BAIAP2L1: variants seen among roughly 807,000 people sequenced by gnomAD.
The protein encoded by BAIAP2L1 is BAR/IMD domain containing adaptor protein 2 like 1.
BAIAP2L1 carries 35 observed loss-of-function variants against 66.3 expected under a neutral mutation model. The ratio of observed to expected loss-of-function variants is 0.53; its 90% confidence interval spans 0.40 to 0.70. BAIAP2L1 has a LOEUF of 0.70. Among genes scored for constraint, BAIAP2L1 ranks in the 30% least tolerant of loss-of-function variants. The pLI is 0.00. For synonymous variants in BAIAP2L1, 269 were observed against 248.7 expected (o/e 1.08, Z -0.77); for missense variants, 622 against 656.9 (o/e 0.95, Z 0.58).
Position 98,317,264 on chromosome 7 carries a change from G to C in BAIAP2L1, c.441C>G (p.Ser147Arg). 4 of 1,614,184 alleles carry C rather than the reference G, an allele frequency of 2.5e-6. No individual in the cohort carries two copies. The highest frequency in any genetic ancestry group is 3.4e-6 in the Non-Finnish European group (4 of 1,180,040). The change falls in exon 6 of 14, where the codon AGC (serine) becomes AGG (arginine). Residue 147 changes from serine to arginine, a missense_variant. Ser to Arg is a moderately radical substitution (Grantham distance 110). Transcript: ENST00000005260. ...ATTTGAGTGCGTTTCGGCTTCCTTG[G>C]CTTTTCCTTCTGATCTTCTTCAACT... Reference protein sequence around the residue: ...QAELKKIRRKSQGSRNALKYE... With the variant: ...QAELKKIRRKRQGSRNALKYE...
At chr7:98,344,013 T>C (rs1045419319) in intron 3 of BAIAP2L1, among the ~76,000 whole-genome samples, 1 of 152,158 alleles carries the variant, frequency 6.6e-6, no homozygotes, top group Admixed American at 6.5e-5. Context: ...ACCCCATCTC[T>C]ACTAAAAATA....
intron 1 of BAIAP2L1, among the ~76,000 whole-genome samples, chr7:98,375,386 T>C: frequency 7.2e-6 from 1 of 139,652 alleles, no homozygotes. Flanking sequence ...AGTACAACAC[T>C]CCATCTTAAA....
chr7:98,380,735 C>T (rs1309366754), intron 1 of BAIAP2L1, among the ~76,000 whole-genome samples: 12 of 109,414 alleles, frequency 1.1e-4, no homozygotes, highest in African/African-American at 3.3e-4. Flanking sequence ...ATATCCGGTC[C>T]GTTTTTTTTT....
chr7:98,380,787 T>C (rs1368068488), intron 1 of BAIAP2L1, among the ~76,000 whole-genome samples: 3 of 138,868 alleles, frequency 2.2e-5, no homozygotes, highest in Admixed American at 1.5e-4. Flanking sequence ...CCACCGCCAC[T>C]ACCACCACCA....
rs971713858 is a variant in BAIAP2L1, at chr7:98,335,289, C to T, written c.215-14991G>A. Among the ~76,000 whole-genome samples the T allele has an allele frequency of 8.0e-4, 117 of 146,208 alleles. 1 individual carries two copies. Among genetic ancestry groups the T allele is most frequent in the South Asian group, 2.1e-4 (1 of 4,724 alleles). On this transcript the variant is annotated intron_variant, in intron 3 of 13. Coordinates refer to ENST00000005260, the MANE Select transcript of BAIAP2L1 (RefSeq NM_018842.5). ...AAAAGATCACCCTTTCCACTTCCAA[C>T]GCTGACCATGGGGATATTACATATC...
At chr7:98,350,542 G>A (rs946871876) in intron 3 of BAIAP2L1, among the ~76,000 whole-genome samples, 8 of 152,032 alleles carry the variant, frequency 5.3e-5, no homozygotes, top group Admixed American at 3.3e-4. Context: ...ACCTGTAGTC[G>A]CAGCTACTCA....
chr7:98,312,040 C>T (rs986430556), intron 8 of BAIAP2L1, 57 bp downstream of exon 8: 1 of 1,516,440 alleles, frequency 6.6e-7, no homozygotes, highest in African/African-American at 1.4e-5. Context: ...GCAAATTTGG[C>T]CCAGATCAAG....
Position 98,293,454 on chromosome 7 carries a change from G to C in BAIAP2L1, c.*67C>G. The C allele has an allele frequency of 1.4e-6, 2 of 1,452,510 alleles. No homozygotes were observed. The highest frequency in any genetic ancestry group is 2.3e-5 in the South Asian group (2 of 88,050). The allele number at this position is 1,452,510 out of a possible 1,614,324, so 90.0% of individuals were successfully genotyped here. On this transcript the variant is annotated 3_prime_UTR_variant, in exon 14 of 14. Coordinates refer to ENST00000005260, the MANE Select transcript of BAIAP2L1 (RefSeq NM_018842.5). ...GCTTCCCGACCGTCAGCACGTGGCAGACAGGATGCGCCCATCATTCCGCAA... is the reference window on the plus strand; with the variant it reads ...GCTTCCCGACCGTCAGCACGTGGCACACAGGATGCGCCCATCATTCCGCAA...
chr7:98,320,715 A>G (rs1210929655), intron 3 of BAIAP2L1, among the ~76,000 whole-genome samples: 1 of 152,196 alleles, frequency 6.6e-6, no homozygotes, highest in African/African-American at 2.4e-5. Context: ...AGGGTCTCTA[A>G]GCATCATCCC....
intron 1 of BAIAP2L1, among the ~76,000 whole-genome samples, chr7:98,380,373 A>G (rs1424661627): frequency 6.6e-6 from 1 of 152,112 alleles, no homozygotes; most frequent in African/African-American, 2.4e-5. Context: ...ACGGTTCCAC[A>G]TGGCTGGTCT....
At chr7:98,393,685 G>A (rs1325094761) in intron 1 of BAIAP2L1, among the ~76,000 whole-genome samples, 1 of 149,456 alleles carries the variant, frequency 6.7e-6, no homozygotes, top group East Asian at 2.1e-4. Flanking sequence ...TTTTAGTAGA[G>A]ACGGGGTTTC....
At chr7:98,397,059 TGGGAA>T (rs1371869675) in intron 1 of BAIAP2L1, among the ~76,000 whole-genome samples, 1 of 151,898 alleles carries the variant, frequency 6.6e-6, no homozygotes, top group Non-Finnish European at 1.5e-5. Flanking sequence ...CTAGTTGGGG[TGGGAA>T]GAGAGGGAAA....
chr7:98,315,953 C>T (rs1254472717), intron 6 of BAIAP2L1, among the ~76,000 whole-genome samples: 3 of 152,192 alleles, frequency 2.0e-5, no homozygotes, highest in Non-Finnish European at 4.4e-5. Flanking sequence ...AACCCAGTTC[C>T]AAATGCCAAC....
At position 98,400,802 on chromosome 7, in the gene BAIAP2L1, C is replaced by T. The variant is rs751963446; in HGVS notation, c.51G>A (p.Arg17=). 2.0e-5 allele frequency: 31 copies of T among 1,548,790 alleles called. No individual in the cohort carries two copies. In the African/African-American group the frequency reaches 3.0e-4, roughly 15 times the overall value. The change falls in exon 1 of 14, where the codon CGG becomes CGA. Residue 17 remains arginine, a splice_region_variant and synonymous_variant. Transcript: ENST00000005260. ...EVNRLTESTY[R]NVMEQFNPGL... ...CCTGAGCCCCGGGCCCTGGGCTTAC[C>T]CGGTAGGTGCTCTCCGTGAGCCGGT...
In BAIAP2L1 at chr7:98,400,961, C is replaced by G; in HGVS notation, c.-109G>C. On this transcript the variant is annotated 5_prime_UTR_variant, in exon 1 of 14. Coordinates refer to ENST00000005260, the MANE Select transcript of BAIAP2L1 (RefSeq NM_018842.5). Reference sequence around the variant, plus strand: ...GCGCGACTAAGGGGCTCTGGAGGGTCGGCCGCCGCCGCAGCCGTCGGCCCG... The same window carrying G: ...GCGCGACTAAGGGGCTCTGGAGGGTGGGCCGCCGCCGCAGCCGTCGGCCCG... 2 of 1,016,124 alleles carry G rather than the reference C, an allele frequency of 2.0e-6. No individual in the cohort carries two copies. The highest frequency in any genetic ancestry group is 2.6e-6 in the Non-Finnish European group (2 of 770,252). 62.9% of individuals were successfully genotyped at this position (1,016,124 alleles called of 1,614,324 possible).
At chr7:98,392,406 A>G (rs1803067820) in intron 1 of BAIAP2L1, among the ~76,000 whole-genome samples, 1 of 152,142 alleles carries the variant, frequency 6.6e-6, no homozygotes, top group African/African-American at 2.4e-5. Flanking sequence ...CACACCATGC[A>G]GACAACAGCA....
intron 1 of BAIAP2L1, among the ~76,000 whole-genome samples, chr7:98,365,679 C>T (rs1012904101): frequency 4.6e-5 from 7 of 152,108 alleles, no homozygotes; most frequent in African/African-American, 1.7e-4. Context: ...AGGGTTTTGC[C>T]ATGTTGCCCA....
chr7:98,382,497 A>T (rs945824841), intron 1 of BAIAP2L1, among the ~76,000 whole-genome samples: 2 of 152,160 alleles, frequency 1.3e-5, no homozygotes, highest in Non-Finnish European at 2.9e-5. Context: ...AATAAAATTT[A>T]AAAAAAGACT....
chr7:98,320,193 C>T (rs370013600), intron 4 of BAIAP2L1, 44 bp downstream of exon 4: 153 of 1,589,064 alleles, frequency 9.6e-5, no homozygotes, highest in Non-Finnish European at 1.2e-4. Context: ...AGTTCTAAAA[C>T]CTGAAATGAG....
Sources: allele counts gnomAD v4.1 joint callset (sites outside exome capture counted in the v4.1 genomes callset), GRCh38; gene constraint gnomAD v4.1.1; transcripts MANE v1.5; gene names NCBI Gene and HGNC (gene_info 2026-07-23, HGNC 2026-07-21).